CCL17: variants seen among roughly 807,000 people sequenced by gnomAD.
The protein encoded by CCL17 is C-C motif chemokine ligand 17, also known as C-C motif chemokine 17.
Under a neutral mutation model 7.4 loss-of-function variants are expected in CCL17, and 8 were observed. The observed-to-expected ratio is 1.09, with a 90% confidence interval of 0.64 to 1.96. The LOEUF (loss-of-function observed/expected upper bound fraction) is 1.96. Ranked by LOEUF, CCL17 falls within the 30% of genes most tolerant of loss-of-function variation. The pLI is 0.00. For synonymous variants in CCL17, 40 were observed against 46.1 expected, an observed-to-expected ratio of 0.87 and a Z score of 0.54; for missense variants, 102 against 113.0, an observed-to-expected ratio of 0.90 and a Z score of 0.44.
At chr16:57,399,516 T>C in the CCL17 span, among the ~76,000 whole-genome samples, 6 of 152,174 alleles carry the variant, frequency 3.9e-5, no homozygotes, top group Admixed American at 6.5e-5. Flanking sequence ...AAAGGTGGGA[T>C]CTTGGCTCAC....
At chr16:57,396,662 G>A in the CCL17 span, among the ~76,000 whole-genome samples, 1 of 152,302 alleles carries the variant, frequency 6.6e-6, no homozygotes, top group East Asian at 1.9e-4. Flanking sequence ...TTGTTAAGCA[G>A]GAAGGAGGTG....
chr16:57,412,364 TTGTC>T (rs1327980791), intron 1 of CCL17, among the ~76,000 whole-genome samples: 2 of 152,166 alleles, frequency 1.3e-5, no homozygotes, highest in African/African-American at 2.4e-5. Context: ...TCGAGGGTCT[TTGTC>T]TGGTTTCCTC....
chr16:57,415,010 A>G lies in CCL17; in HGVS notation c.71-71A>G. 1 of 959,440 alleles carries G rather than the reference A, an allele frequency of 1.0e-6. No homozygotes were observed. Among genetic ancestry groups the G allele is most frequent in the Non-Finnish European group, 1.7e-6 (1 of 586,546 alleles). 59.4% of individuals were successfully genotyped at this position (959,440 alleles called of 1,614,324 possible). A position where few individuals can be genotyped will look rare whatever the true frequency, so the allele number is the denominator to read the frequency against. On this transcript the variant is annotated intron_variant, in intron 2 of 3. Coordinates refer to ENST00000219244, the MANE Select transcript of CCL17 (RefSeq NM_002987.3). The surrounding 1 kb of genome is among the most constrained non-coding windows in gnomAD (Gnocchi z 4.5). ...ACGCACATGCAGATCTTCCACGAACACCCCCCAGAGGTCCCCGCAACACAC... is the reference window on the plus strand; with the variant it reads ...ACGCACATGCAGATCTTCCACGAACGCCCCCCAGAGGTCCCCGCAACACAC...
upstream of CCL17, among the ~76,000 whole-genome samples, chr16:57,400,690 C>T (rs139834078): frequency 9.9e-5 from 15 of 151,974 alleles, no homozygotes; most frequent in South Asian, 1.9e-3. Flanking sequence ...TTACCCGGGC[C>T]GGGCACAATG....
intron 1 of CCL17, 103 bp from the exon 2 acceptor site, chr16:57,413,771 C>G (rs1303631739): frequency 7.5e-6 from 4 of 530,454 alleles, no homozygotes; most frequent in Non-Finnish European, 1.4e-5. Flanking sequence ...TCAAATTCTT[C>G]GAACTTCACT....
chr16:57,408,509 G>A (rs1431729266), intron 1 of CCL17, among the ~76,000 whole-genome samples: 1 of 152,046 alleles, frequency 6.6e-6, no homozygotes, highest in African/African-American at 2.4e-5. Flanking sequence ...CTTTCCTGAT[G>A]TAGGTGATCC....
chr16:57,405,097 C>T (rs1476765397), intron 1 of CCL17, among the ~76,000 whole-genome samples: 1 of 152,144 alleles, frequency 6.6e-6, no homozygotes, highest in Non-Finnish European at 1.5e-5. Flanking sequence ...GAAGGTACAG[C>T]TTCAAGATTG....
At chr16:57,405,867 A>G (rs1350336357) in intron 1 of CCL17, among the ~76,000 whole-genome samples, 3 of 122,808 alleles carry the variant, frequency 2.4e-5, no homozygotes, top group South Asian at 6.4e-4. Context: ...CCCCGTCTCT[A>G]CTAAAAATAC....
chr16:57,408,450 C>T (rs924486967), intron 1 of CCL17, among the ~76,000 whole-genome samples: 6 of 152,098 alleles, frequency 3.9e-5, no homozygotes, highest in African/African-American at 9.7e-5. Flanking sequence ...CTCACTCTGT[C>T]GCCCAGGCTG....
chr16:57,398,975 G>A, the CCL17 span, among the ~76,000 whole-genome samples: 1 of 152,232 alleles, frequency 6.6e-6, no homozygotes, highest in Non-Finnish European at 1.5e-5. Context: ...CAAAGGCAAA[G>A]AGAAACTGGG....
intron 1 of CCL17, among the ~76,000 whole-genome samples, chr16:57,409,252 G>T (rs76469602): frequency 2.6e-5 from 4 of 152,346 alleles, no homozygotes; most frequent in East Asian, 3.9e-4. Flanking sequence ...GTGAAAGGAA[G>T]TGAGACGGGG....
Position 57,413,918 on chromosome 16 carries a change from T to C in CCL17, c.-15T>C. ...GGACCTGCACACAGAGACTCCCTCCTGGGCTCCTGGCACCATGGCCCCACT... is the reference window on the plus strand; with the variant it reads ...GGACCTGCACACAGAGACTCCCTCCCGGGCTCCTGGCACCATGGCCCCACT... On this transcript the variant is annotated 5_prime_UTR_variant, in exon 2 of 4. Coordinates refer to ENST00000219244, the MANE Select transcript of CCL17 (RefSeq NM_002987.3). 6.2e-7 allele frequency: 1 copy of C among 1,600,808 alleles called. No individual in the cohort carries two copies. The highest frequency in any genetic ancestry group is 1.7e-5 in the Admixed American group (1 of 58,172).
chr16:57,416,030 G>A lies in CCL17; in HGVS notation c.*169G>A. ...CCCCTTGTCTGAACTGGAGCCATGG[G>A]CACAAAGGGCCCAGATTAAAGTCTT... is the stretch of plus-strand genomic sequence containing the variant. On this transcript the variant is annotated 3_prime_UTR_variant, in exon 4 of 4. Transcript: ENST00000219244. The A allele has an allele frequency of 1.7e-6, 1 of 589,580 alleles. No individual in the cohort carries two copies. Among genetic ancestry groups the A allele is most frequent in the East Asian group, 2.9e-5 (1 of 35,072 alleles). 36.5% of individuals were successfully genotyped at this position (589,580 alleles called of 1,614,324 possible).
At chr16:57,402,982 C>A (rs1285107991), upstream of CCL17, among the ~76,000 whole-genome samples, 2 of 123,014 alleles carry the variant, frequency 1.6e-5, no homozygotes, top group African/African-American at 3.2e-5. Flanking sequence ...CATAAGTAAG[C>A]GAATGGCCTA....
At chr16:57,406,426 C>G (rs570184377) in intron 1 of CCL17, among the ~76,000 whole-genome samples, 2 of 152,298 alleles carry the variant, frequency 1.3e-5, no homozygotes, top group African/African-American at 4.8e-5. Flanking sequence ...GTTGCTTAAA[C>G]TACTCTGGTC....
intron 1 of CCL17, among the ~76,000 whole-genome samples, chr16:57,409,485 G>A (rs944708655): frequency 5.3e-5 from 8 of 152,162 alleles, no homozygotes; most frequent in Admixed American, 2.0e-4. Flanking sequence ...TTTCAAGAGG[G>A]GAGAGCCTTG....
upstream of CCL17, among the ~76,000 whole-genome samples, chr16:57,404,273 C>T (rs1175245556): frequency 1.3e-5 from 2 of 152,250 alleles, no homozygotes; most frequent in South Asian, 4.1e-4. Flanking sequence ...TGCTGCTGTG[C>T]TGAGAATACA....
At chr16:57,399,542 C>G in the CCL17 span, among the ~76,000 whole-genome samples, 3 of 152,236 alleles carry the variant, frequency 2.0e-5, no homozygotes, top group East Asian at 5.8e-4. Flanking sequence ...CCTCTGCCTC[C>G]TAGGTTCAAG....
chr16:57,399,962 G>A (rs1036933037), upstream of CCL17, among the ~76,000 whole-genome samples: 2 of 152,152 alleles, frequency 1.3e-5, no homozygotes, highest in Non-Finnish European at 2.9e-5. Flanking sequence ...GACTTTAATC[G>A]AGTGCTGCAA....
Sources: allele counts gnomAD v4.1 joint callset (sites outside exome capture counted in the v4.1 genomes callset), GRCh38; gene constraint gnomAD v4.1.1; non-coding constraint Gnocchi (gnomAD v3.1); transcripts MANE v1.5; gene names NCBI Gene and HGNC (gene_info 2026-07-23, HGNC 2026-07-21).